The following SMPDL3B variants were observed in gnomAD, a reference collection of about 807,000 sequenced individuals.
SMPDL3B encodes sphingomyelin phosphodiesterase acid like 3B.
Under a neutral mutation model 37.9 loss-of-function variants are expected in SMPDL3B, and 31 were observed. That is an observed-to-expected ratio of 0.82 (90% CI 0.61 to 1.10). The LOEUF (loss-of-function observed/expected upper bound fraction) is 1.10, where lower values mean the gene tolerates loss of function less well. Ranked by LOEUF, SMPDL3B falls within the 50% of genes least tolerant of loss-of-function variation. SMPDL3B has a pLI of 0.00. For missense variants in SMPDL3B, 525 were observed against 597.8 expected, an observed-to-expected ratio of 0.88 and a Z score of 1.27; for synonymous variants, 235 against 242.6, an observed-to-expected ratio of 0.97 and a Z score of 0.29.
chr1:27,935,737 G>A (rs1335455610), intron 1 of SMPDL3B, among the ~76,000 whole-genome samples: 10 of 152,268 alleles, frequency 6.6e-5, no homozygotes, highest in East Asian at 3.9e-4. Flanking sequence ...CAGGGAAGGC[G>A]GGTTGTGGGG....
chr1:27,936,804 G>A (rs1432851470), intron 1 of SMPDL3B: 1 of 152,170 alleles, frequency 6.6e-6, no homozygotes, highest in Non-Finnish European at 1.5e-5. Context: ...GGATCACGAG[G>A]TCAGGAGATT....
rs2148681605 is a variant in SMPDL3B, at chr1:27,955,855, G to T, written c.862G>T (p.Asp288Tyr). 1 of 1,613,508 alleles carries T rather than the reference G, an allele frequency of 6.2e-7. No homozygotes were observed. The highest frequency in any genetic ancestry group is 2.2e-5 in the East Asian group (1 of 44,846). The change falls in exon 6 of 8, where the codon GAT becomes TAT. Residue 288 changes from aspartate (D) to tyrosine (Y), a missense_variant. Physicochemically the swap from Asp to Tyr is radical, Grantham distance 160. Transcript: ENST00000373894. ...HHTDSFRMLY[D>Y]DAGVPISAMF... ...CACCGACAGCTTTCGGATGCTCTAT[G>T]ATGATGCAGGTATTCAACCTGGAGG...
chr1:27,944,989 G>T (rs185769444), intron 1 of SMPDL3B, among the ~76,000 whole-genome samples: 182 of 152,318 alleles, frequency 1.2e-3, no homozygotes, highest in African/African-American at 4.2e-3. Flanking sequence ...AATGTGGGGA[G>T]GAGGACGGGG....
At position 27,959,078 on chromosome 1, in the gene SMPDL3B, C is replaced by T. The variant is rs1638394461; in HGVS notation, c.*240C>T. 1 of 532,730 alleles carries T rather than the reference C, an allele frequency of 1.9e-6. No individual in the cohort carries two copies. The highest frequency in any genetic ancestry group is 1.9e-5 in the African/African-American group (1 of 53,188). 33.0% of individuals were successfully genotyped at this position (532,730 alleles called of 1,614,324 possible). A position where few individuals can be genotyped will look rare whatever the true frequency, so the allele number is the denominator to read the frequency against. Reference sequence around the variant, plus strand: ...CCAGAAACAGAAAAGAAATGACGACCCAAGACCCCCCTACAAGCATACTTC... The same window carrying T: ...CCAGAAACAGAAAAGAAATGACGACTCAAGACCCCCCTACAAGCATACTTC... On this transcript the variant is annotated 3_prime_UTR_variant, in exon 8 of 8. Transcript: ENST00000373894.
Position 27,945,130 on chromosome 1 carries a change from C to A in SMPDL3B, c.62-102C>A. 3 of 1,076,842 alleles carry A rather than the reference C, an allele frequency of 2.8e-6. No individual in the cohort carries two copies. The highest frequency in any genetic ancestry group is 4.2e-6 in the Non-Finnish European group (3 of 715,544). 66.7% of individuals were successfully genotyped at this position (1,076,842 alleles called of 1,614,324 possible). A position where few individuals can be genotyped will look rare whatever the true frequency, so the allele number is the denominator to read the frequency against. The stretch of plus-strand genomic sequence containing the variant: ...GGTGCTCAGAGAAGACTTCCATTTG[C>A]CTGTGTAACGCCCCTGCCCCAGCCC... On this transcript the variant is annotated intron_variant, in intron 1 of 7. Coordinates refer to ENST00000373894, the MANE Select transcript of SMPDL3B (RefSeq NM_014474.4). The surrounding 1 kb of genome is among the most constrained non-coding windows in gnomAD (Gnocchi z 4.0).
At chr1:27,956,796 AAATC>A (rs1248533407) in intron 7 of SMPDL3B, among the ~76,000 whole-genome samples, 1 of 152,190 alleles carries the variant, frequency 6.6e-6, no homozygotes, top group Non-Finnish European at 1.5e-5. Flanking sequence ...GCTAAGGAGA[AAATC>A]AAAACAGTGA....
At chr1:27,949,888 C>T (rs980132584) in intron 3 of SMPDL3B, among the ~76,000 whole-genome samples, 2 of 150,962 alleles carry the variant, frequency 1.3e-5, no homozygotes, top group Non-Finnish European at 2.9e-5. Context: ...GGTCCCAGGA[C>T]ACAGATATGG....
chr1:27,947,631 A>AG, intron 2 of SMPDL3B, among the ~76,000 whole-genome samples: 1 of 137,216 alleles, frequency 7.3e-6, no homozygotes, highest in African/African-American at 2.7e-5. Flanking sequence ...AAAAAAAAAA[A>AG]AAAGAAATTA....
Position 27,945,290 on chromosome 1 carries a change from C to A in SMPDL3B, c.120C>A (p.Asp40Glu), listed in dbSNP as rs767330057. The A allele has an allele frequency of 3.1e-6, 5 of 1,614,084 alleles. No individual in the cohort carries two copies. The highest frequency in any genetic ancestry group is 2.2e-5 in the East Asian group (1 of 44,886). ...HLDPDYKVSK[D>E]PFQVCPSAGS... Reference sequence around the variant, plus strand: ...ACCCTGACTACAAGGTATCCAAAGACCCCTTCCAGGTGTGCCCATCAGCTG... The same window carrying A: ...ACCCTGACTACAAGGTATCCAAAGAACCCTTCCAGGTGTGCCCATCAGCTG... The change falls in exon 2 of 8, where the codon GAC becomes GAA. Residue 40 changes from aspartate to glutamate, a missense_variant. Coordinates refer to ENST00000373894, the MANE Select transcript of SMPDL3B (RefSeq NM_014474.4). This position sits in a 1 kb window ranked among gnomAD's most constrained non-coding sequence, Gnocchi z 4.0.
chr1:27,954,534 G>A lies in SMPDL3B; in HGVS notation c.690+8G>A. The A allele has an allele frequency of 6.2e-7, 1 of 1,612,716 alleles. No individual in the cohort carries two copies. Among genetic ancestry groups the A allele is most frequent in the Non-Finnish European group, 8.5e-7 (1 of 1,179,220 alleles). On this transcript the variant is annotated splice_region_variant and intron_variant, in intron 5 of 7. Coordinates refer to ENST00000373894, the MANE Select transcript of SMPDL3B (RefSeq NM_014474.4). ...TCCAAAGCTGGGGACATGGTAAGAG[G>A]CCCTGCTTCTTTCTTTTCTCATCTG... is the stretch of plus-strand genomic sequence containing the variant.
At position 27,957,607 on chromosome 1, in the gene SMPDL3B, C is replaced by T. The variant is rs1638329391; in HGVS notation, c.1006-869C>T. The stretch of plus-strand genomic sequence containing the variant: ...AAGCCAACGACTGCATGAGCTAACC[C>T]AGGTCCTTGATTCTAGTAAAGGTAG... On this transcript the variant is annotated intron_variant, in intron 7 of 7. Coordinates refer to ENST00000373894, the MANE Select transcript of SMPDL3B (RefSeq NM_014474.4). 2.0e-5 allele frequency among the ~76,000 whole-genome samples: 3 copies of T among 152,140 alleles called. No homozygotes were observed. In the South Asian group the frequency reaches 6.2e-4, roughly 31 times the overall value.
chr1:27,950,233 C>G (rs2090444937), intron 3 of SMPDL3B, among the ~76,000 whole-genome samples: 1 of 152,194 alleles, frequency 6.6e-6, no homozygotes, highest in Non-Finnish European at 1.5e-5. Context: ...CCAAGTCAGG[C>G]TGCTTGGTTT....
chr1:27,953,357 A>T lies in SMPDL3B; in HGVS notation c.516A>T (p.Lys172Asn), dbSNP rs546661899. The T allele has an allele frequency of 6.2e-7, 1 of 1,609,882 alleles. No homozygotes were observed. ...LSNESIALFKKGAFYCEKLPG... is the reference protein window; with the variant it reads ...LSNESIALFKNGAFYCEKLPG... ...ATGAGTCCATCGCTCTCTTCAAAAA[A>T]GGTACCAACACCACCTGCTCCTATC... The change falls in exon 4 of 8, where the codon AAA becomes AAT. Residue 172 changes from lysine to asparagine, a missense_variant and splice_region_variant. Lys to Asn is a moderately conservative substitution (Grantham distance 94). Transcript: ENST00000373894.
intron 2 of SMPDL3B, among the ~76,000 whole-genome samples, chr1:27,947,187 C>G (rs1420318558): frequency 6.6e-6 from 1 of 152,076 alleles, no homozygotes; most frequent in Non-Finnish European, 1.5e-5. Flanking sequence ...CAGGCATGCG[C>G]CACCACGCCC....
intron 1 of SMPDL3B, chr1:27,941,695 AC>A: frequency 6.5e-6 from 1 of 153,152 alleles, no homozygotes; most frequent in Non-Finnish European, 1.5e-5. Flanking sequence ...TGAGGAGGTG[AC>A]CTTGGGGCAG....
In SMPDL3B at chr1:27,953,315, G is replaced by C; in HGVS notation, c.474G>C (p.Trp158Cys). The C allele has an allele frequency of 6.2e-7, 1 of 1,613,932 alleles. No homozygotes were observed. The highest frequency in any genetic ancestry group is 8.5e-7 in the Non-Finnish European group (1 of 1,179,928). Residue 158 changes from tryptophan to cysteine, a missense_variant, in exon 4 of 8, where the codon TGG (tryptophan) becomes TGC (cysteine). By Grantham distance (215) the Trp-to-Cys change is radical. Coordinates refer to ENST00000373894, the MANE Select transcript of SMPDL3B (RefSeq NM_014474.4). ...NNIYNQIAEL[W>C]KPWLSNESIA... ...TCTACAATCAGATAGCAGAACTATG[G>C]AAACCCTGGCTTAGTAATGAGTCCA...
rs1454434805 is a variant in SMPDL3B, at chr1:27,958,558, A to G, written c.1088A>G (p.Glu363Gly). 1 of 1,613,808 alleles carries G rather than the reference A, an allele frequency of 6.2e-7. No individual in the cohort carries two copies. The highest frequency in any genetic ancestry group is 8.5e-7 in the Non-Finnish European group (1 of 1,179,978). The part of the protein sequence containing the change: ...PRWELEYQLT[E>G]AYGVPDASAH... ...TGGGAGCTCGAGTACCAGCTGACCG[A>G]GGCCTATGGGGTGCCGGACGCCAGC... Residue 363 changes from glutamate (E) to glycine (G), a missense_variant, in exon 8 of 8, where the codon GAG becomes GGG. By Grantham distance (98) the Glu-to-Gly change is moderately conservative. Coordinates refer to ENST00000373894, the MANE Select transcript of SMPDL3B (RefSeq NM_014474.4). This position sits in a 1 kb window ranked among gnomAD's most constrained non-coding sequence, Gnocchi z 5.6.
chr1:27,956,011 G>A lies in SMPDL3B; in HGVS notation c.934G>A (p.Gly312Arg). The change falls in exon 7 of 8, where the codon GGA (glycine) becomes AGA (arginine). Residue 312 changes from glycine (G) to arginine (R), a missense_variant. Transcript: ENST00000373894. ...GVTPWKTTLP[G>R]VVNGANNPAI... is the part of the protein sequence containing the mutation. ...CACCCCATGGAAAACCACATTACCT[G>A]GAGTGGTCAATGGGGCCAACAATCC... 1.2e-6 allele frequency: 2 copies of A among 1,614,118 alleles called. No homozygotes were observed. Among genetic ancestry groups the A allele is most frequent in the Non-Finnish European group, 1.7e-6 (2 of 1,180,036 alleles).
intron 1 of SMPDL3B, among the ~76,000 whole-genome samples, chr1:27,939,361 C>T (rs1170112483): frequency 6.6e-6 from 1 of 151,986 alleles, no homozygotes; most frequent in Non-Finnish European, 1.5e-5. Context: ...TCTTATTTTT[C>T]TTTTTTGGAG....
Sources: allele counts gnomAD v4.1 joint callset (sites outside exome capture counted in the v4.1 genomes callset), GRCh38; gene constraint gnomAD v4.1.1; non-coding constraint Gnocchi (gnomAD v3.1); transcripts MANE v1.5; gene names NCBI Gene and HGNC (gene_info 2026-07-23, HGNC 2026-07-21).